MIGA2: variants seen among roughly 807,000 people sequenced by gnomAD.
MIGA2 encodes mitoguardin 2, also known as family with sequence similarity 73, member B.
A neutral mutation model predicts 69.9 loss-of-function variants in MIGA2; 36 were observed. The ratio of observed to expected loss-of-function variants is 0.52; its 90% confidence interval spans 0.39 to 0.68. The LOEUF (loss-of-function observed/expected upper bound fraction) is 0.68, where lower values mean the gene tolerates loss of function less well. Ranked by LOEUF, MIGA2 falls within the 30% of genes least tolerant of loss-of-function variation. The pLI, the probability that MIGA2 is intolerant of heterozygous loss-of-function variation, is 0.00. For synonymous variants in MIGA2, 333 were observed against 349.2 expected (o/e 0.95, Z 0.52); for missense variants, 660 against 787.7 (o/e 0.84, Z 1.94).
chr9:129,044,969 G>A (rs1845133111), intron 3 of MIGA2, among the ~76,000 whole-genome samples: 1 of 143,284 alleles, frequency 7.0e-6, no homozygotes, highest in African/African-American at 2.6e-5. Flanking sequence ...GGAGGCTAAA[G>A]CAGGCGGATC....
At chr9:129,050,589 T>G (rs904155727) in intron 6 of MIGA2, among the ~76,000 whole-genome samples, 2 of 149,678 alleles carry the variant, frequency 1.3e-5, no homozygotes, top group African/African-American at 4.9e-5. Flanking sequence ...TTTTTTTTTT[T>G]GAAATGGAGT....
chr9:129,057,821 G>T (rs906518349), intron 6 of MIGA2, among the ~76,000 whole-genome samples: 4 of 151,764 alleles, frequency 2.6e-5, no homozygotes, highest in African/African-American at 9.7e-5. Context: ...GCCTAGGCTG[G>T]TCTCAAACTT....
chr9:129,043,935 C>T (rs561342644), intron 3 of MIGA2, among the ~76,000 whole-genome samples: 5 of 151,722 alleles, frequency 3.3e-5, no homozygotes, highest in East Asian at 3.9e-4. Context: ...CTCCTGAACT[C>T]GTGATCCGCC....
rs113015762 is a variant in MIGA2, at chr9:129,068,345, C to T, written c.1404+13C>T. The T allele has an allele frequency of 1.2e-3, 1,919 of 1,600,022 alleles. 19 individuals are homozygous for T. The East Asian group carries it at 0.015, about 13-fold the overall frequency. ...CTTCAAGGAGACGGTGGGTCACTGCCCTGCTCTCAGACCCACACTTGCTCA... is the reference window on the plus strand; with the variant it reads ...CTTCAAGGAGACGGTGGGTCACTGCTCTGCTCTCAGACCCACACTTGCTCA... On this transcript the variant is annotated intron_variant, in intron 13 of 15. Coordinates refer to ENST00000684074, the MANE Select transcript of MIGA2 (RefSeq NM_001329990.2). The surrounding 1 kb of genome is among the most constrained non-coding windows in gnomAD (Gnocchi z 4.1).
intron 6 of MIGA2, 26 bp downstream of exon 6, chr9:129,049,989 C>A (rs370849727): frequency 6.3e-7 from 1 of 1,594,924 alleles, no homozygotes; most frequent in African/African-American, 1.3e-5. Context: ...CATCCCCCTA[C>A]GCCCATGGGA....
rs184614204 is a variant in MIGA2, at chr9:129,056,742, C to T, written c.676-2412C>T. ...CCAAGTAGACCAGGCTGGTCTCGAA[C>T]TCCTGACCTCAAGTGATCTGCCCGC... is the stretch of plus-strand genomic sequence containing the variant. On this transcript the variant is annotated intron_variant, in intron 6 of 15. Coordinates refer to ENST00000684074, the MANE Select transcript of MIGA2 (RefSeq NM_001329990.2). Among the ~76,000 whole-genome samples the T allele has an allele frequency of 2.7e-3, 412 of 150,726 alleles. 5 individuals are homozygous for T. The highest frequency in any genetic ancestry group is 9.6e-3 in the African/African-American group (387 of 40,376).
rs146566671 is a variant in MIGA2 at position 129,040,678 on chromosome 9, G to A, written c.84G>A (p.Thr28=). The A allele has an allele frequency of 3.7e-5, 60 of 1,613,618 alleles. No homozygotes were observed. In the African/African-American group the frequency reaches 7.1e-4, roughly 19 times the overall value. The change falls in exon 2 of 16, where the codon ACG becomes ACA. Residue 28 remains threonine, a synonymous_variant. Coordinates refer to ENST00000684074, the MANE Select transcript of MIGA2 (RefSeq NM_001329990.2). ...CCGAGATCCCCGTGTTCCTGTACACGACGTTTGGGCAGGTAAGGATCAGGG... is the reference window on the plus strand; with the variant it reads ...CCGAGATCCCCGTGTTCCTGTACACAACGTTTGGGCAGGTAAGGATCAGGG... ...TVAEIPVFLY[T]TFGQSAFSQL...
intron 6 of MIGA2, among the ~76,000 whole-genome samples, chr9:129,054,947 A>G (rs1845718036): frequency 6.6e-6 from 1 of 152,190 alleles, no homozygotes; most frequent in African/African-American, 2.4e-5. Flanking sequence ...GCTGGCGTGC[A>G]GTGGCACAAT....
rs1394126774 is a variant in MIGA2 at position 129,069,684 on chromosome 9, G to C, written c.1459-165G>C. On this transcript the variant is annotated intron_variant, in intron 14 of 15. Transcript: ENST00000684074. The surrounding 1 kb of genome is among the most constrained non-coding windows in gnomAD (Gnocchi z 4.9). Reference sequence around the variant, plus strand: ...GCCCATGGTTACCCTGTCTGCAGAAGTTAAAATGGGCTTCGAAAGCTTGAG... The same window carrying C: ...GCCCATGGTTACCCTGTCTGCAGAACTTAAAATGGGCTTCGAAAGCTTGAG... 3.0e-6 allele frequency: 2 copies of C among 665,856 alleles called. No individual in the cohort carries two copies. The highest frequency in any genetic ancestry group is 1.6e-5 in the South Asian group (1 of 62,898). The allele number at this position is 665,856 out of a possible 1,614,324, so 41.2% of individuals were successfully genotyped here. A position where few individuals can be genotyped will look rare whatever the true frequency, so the allele number is the denominator to read the frequency against.
intron 11 of MIGA2, among the ~76,000 whole-genome samples, chr9:129,063,992 T>C (rs1846205384): frequency 6.6e-6 from 1 of 152,160 alleles, no homozygotes; most frequent in South Asian, 2.1e-4. Flanking sequence ...CAGACAACAC[T>C]ATATAATCTT....
chr9:129,051,288 T>TTTA lies in MIGA2; in HGVS notation c.675+1327_675+1328insATT, dbSNP rs1564608407. On this transcript the variant is annotated intron_variant, in intron 6 of 15. Transcript: ENST00000684074. Reference sequence around the variant, plus strand: ...TATTTATTTATTTATTTATTTATTTTTTTTTTTGGAGACGGAGTCTCACTC... The same window carrying TTTA: ...TATTTATTTATTTATTTATTTATTTTTTATTTTTTTGGAGACGGAGTCTCACTC... The TTTA allele has an allele frequency of 5.2e-3, 923 of 179,080 alleles. 10 individuals carry two copies. Among genetic ancestry groups the TTTA allele is most frequent in the African/African-American group, 0.024 (863 of 36,076 alleles). The allele number at this position is 179,080 out of a possible 1,614,324, so 11.1% of individuals were successfully genotyped here.
chr9:129,041,827 G>T (rs573639104), intron 2 of MIGA2, among the ~76,000 whole-genome samples: 1 of 152,330 alleles, frequency 6.6e-6, no homozygotes, highest in South Asian at 2.1e-4. Flanking sequence ...AGATGGGGTG[G>T]CAGGTGAGTG....
chr9:129,040,251 G>T (rs1305386345), intron 1 of MIGA2, among the ~76,000 whole-genome samples: 1 of 152,206 alleles, frequency 6.6e-6, no homozygotes, highest in Non-Finnish European at 1.5e-5. Context: ...CGCTCGCAGG[G>T]CCCCTGGTAG....
At chr9:129,051,813 G>GTAATTAATTAATTAAT (rs141857454) in intron 6 of MIGA2, among the ~76,000 whole-genome samples, 1 of 148,300 alleles carries the variant, frequency 6.7e-6, no homozygotes, top group African/African-American at 2.5e-5. Context: ...TAGCCAGGAT[G>GTAATTAATTAATTAAT]TAATTAATTA....
Position 129,069,729 on chromosome 9 carries a change from A to G in MIGA2, c.1459-120A>G, listed in dbSNP as rs1846567140. 1.3e-6 allele frequency: 1 copy of G among 769,210 alleles called. No homozygotes were observed. The highest frequency in any genetic ancestry group is 1.7e-5 in the African/African-American group (1 of 59,038). The allele number at this position is 769,210 out of a possible 1,614,324, so 47.6% of individuals were successfully genotyped here. A position where few individuals can be genotyped will look rare whatever the true frequency, so the allele number is the denominator to read the frequency against. On this transcript the variant is annotated intron_variant, in intron 14 of 15. Coordinates refer to ENST00000684074, the MANE Select transcript of MIGA2 (RefSeq NM_001329990.2). The surrounding 1 kb of genome is among the most constrained non-coding windows in gnomAD (Gnocchi z 4.9). ...CTTGAGTCACTGCCCAGGGTCATCT[A>G]GCAGGAAAGTACATGAGCTGGGGCG...
rs61426484 is a variant in MIGA2, at chr9:129,039,175, T to TTGTGTGTG, written c.-143-1239_-143-1232dup. The stretch of plus-strand genomic sequence containing the variant: ...TACGTAGCGTGGAGTAGCTCTTTGT[T>TTGTGTGTG]TGTGTGTGTGTGTGTGTGTGTGTGT... On this transcript the variant is annotated intron_variant, in intron 1 of 15. Transcript: ENST00000684074. 6.0e-3 allele frequency among the ~76,000 whole-genome samples: 844 copies of TTGTGTGTG among 139,980 alleles called. 5 individuals carry two copies. Among genetic ancestry groups the TTGTGTGTG allele is most frequent in the South Asian group, 9.2e-3 (39 of 4,222 alleles). 91.8% of individuals were successfully genotyped at this position (139,980 alleles called of 152,430 possible). A position where few individuals can be genotyped will look rare whatever the true frequency, so the allele number is the denominator to read the frequency against.
chr9:129,061,415 C>A lies in MIGA2; in HGVS notation c.1010+69C>A. ...GGGTGATTCTGGCCCTTGCGGGAGG[C>A]GGAGAAGCCAGCGGTGCTTGGCGAG... is the stretch of plus-strand genomic sequence containing the variant. On this transcript the variant is annotated intron_variant, in intron 9 of 15. Transcript: ENST00000684074. This position sits in a 1 kb window ranked among gnomAD's most constrained non-coding sequence, Gnocchi z 5.0. 1 of 1,408,458 alleles carries A rather than the reference C, an allele frequency of 7.1e-7. No individual in the cohort carries two copies. The highest frequency in any genetic ancestry group is 9.7e-7 in the Non-Finnish European group (1 of 1,026,662). 87.2% of individuals were successfully genotyped at this position (1,408,458 alleles called of 1,614,324 possible). A position where few individuals can be genotyped will look rare whatever the true frequency, so the allele number is the denominator to read the frequency against.
intron 11 of MIGA2, among the ~76,000 whole-genome samples, chr9:129,064,863 A>G (rs922951939): frequency 6.7e-6 from 1 of 148,544 alleles, no homozygotes; most frequent in Non-Finnish European, 1.5e-5. Flanking sequence ...GCTCACCGCA[A>G]CCTCCACCTC....
At chr9:129,048,317 G>A (rs371084433) in intron 3 of MIGA2, 110 bp from the exon 4 acceptor site, 11 of 929,606 alleles carry the variant, frequency 1.2e-5, no homozygotes, top group African/African-American at 8.1e-5. Flanking sequence ...TTAGAAGGTC[G>A]GGACCGATTC....
Sources: gnomAD v4.1 joint callset for allele counts (sites outside exome capture counted in the v4.1 genomes callset) on GRCh38, gnomAD v4.1.1 for gene constraint, Gnocchi (gnomAD v3.1) non-coding constraint, MANE v1.5 for transcripts, NCBI Gene and HGNC (gene_info 2026-07-23, HGNC 2026-07-21) for gene names.